The following SARM1 variants were observed in gnomAD, a reference collection of about 807,000 sequenced individuals.
SARM1 encodes NAD(+) hydrolase SARM1.
SARM1 carries 60 observed loss-of-function variants against 65.1 expected under a neutral mutation model. The ratio of observed to expected loss-of-function variants is 0.92; its 90% CI spans 0.75 to 1.14. The LOEUF is 1.14. Ranked by LOEUF, SARM1 falls within the 50% of genes most tolerant of loss-of-function variation. The probability of loss-of-function intolerance (pLI) is 0.00; values close to 1 mark genes in which losing one functional copy is unlikely to be tolerated. For missense variants in SARM1, 913 were observed against 1,015.7 expected, an observed-to-expected ratio of 0.90 and a Z score of 1.37; for synonymous variants, 417 against 465.4, an observed-to-expected ratio of 0.90 and a Z score of 1.34.
At chr17:28,383,328 C>T (rs117335353) in intron 2 of SARM1, among the ~76,000 whole-genome samples, 10,477 of 152,212 alleles carry the variant, frequency 0.069, 501 homozygotes, top group Non-Finnish European at 0.091. Context: ...GAGCTGGAAT[C>T]GCACCACTGC....
At chr17:28,387,997 C>T in intron 5 of SARM1, 177 bp from the exon 6 acceptor site, 1 of 616,408 alleles carries the variant, frequency 1.6e-6, no homozygotes, top group South Asian at 1.9e-5. Flanking sequence ...AGGAACCCAA[C>T]AATAACATGA....
intron 5 of SARM1, 44 bp from the exon 6 acceptor site, chr17:28,388,130 T>C: frequency 7.4e-7 from 1 of 1,345,368 alleles, no homozygotes; most frequent in Non-Finnish European, 1.0e-6. Context: ...CAGTGAGTGA[T>C]GCGGAGGGGC....
At chr17:28,379,448 C>G (rs1555584929) in intron 1 of SARM1, among the ~76,000 whole-genome samples, 1 of 151,672 alleles carries the variant, frequency 6.6e-6, no homozygotes, top group African/African-American at 2.4e-5. Flanking sequence ...GCAGCTAGGA[C>G]TACAGGCACC....
Sources: gnomAD v4.1 joint callset for allele counts (sites outside exome capture counted in the v4.1 genomes callset) on GRCh38, gnomAD v4.1.1 for gene constraint, MANE v1.5 for transcripts, NCBI Gene and HGNC (gene_info 2026-07-23, HGNC 2026-07-21) for gene names.